The following ADAMTSL1 variants were observed in gnomAD, a reference collection of about 807,000 sequenced individuals.
The protein encoded by ADAMTSL1 is ADAMTS like 1, also known as ADAMTS-like protein 1.
A neutral mutation model predicts 201.8 loss-of-function variants in ADAMTSL1; 126 were observed. The ratio of observed to expected loss-of-function variants is 0.62; its 90% CI spans 0.54 to 0.72. The LOEUF (loss-of-function observed/expected upper bound fraction) is 0.72, where lower values mean the gene tolerates loss of function less well. Ranked by LOEUF, ADAMTSL1 falls within the 30% of genes least tolerant of loss-of-function variation. ADAMTSL1 has a pLI of 0.00. For synonymous variants in ADAMTSL1, 1,121 were observed against 903.4 expected, an observed-to-expected ratio of 1.24 and a Z score of -4.32; for missense variants, 2,679 against 2,277.8, an observed-to-expected ratio of 1.18 and a Z score of -3.59.
At chr9:17,939,343 A>AT (rs1238312672) in intron 1 of ADAMTSL1, among the ~76,000 whole-genome samples, 1 of 149,472 alleles carries the variant, frequency 6.7e-6, no homozygotes, top group African/African-American at 2.5e-5. Flanking sequence ...GTCCAGTTGG[A>AT]TTTTTTTGTT....
chr9:18,203,646 C>T (rs1205596752), intron 2 of ADAMTSL1, among the ~76,000 whole-genome samples: 7 of 151,848 alleles, frequency 4.6e-5, no homozygotes, highest in African/African-American at 7.3e-5. Context: ...ATTTGAGGCA[C>T]CTCACAAGTT....
At chr9:18,426,851 C>A (rs1470222462) in intron 2 of ADAMTSL1, among the ~76,000 whole-genome samples, 1 of 152,064 alleles carries the variant, frequency 6.6e-6, no homozygotes, top group Non-Finnish European at 1.5e-5. Flanking sequence ...ATACACTAAC[C>A]AAATGAAGAA....
chr9:18,626,844 T>C (rs1181703029), intron 5 of ADAMTSL1, among the ~76,000 whole-genome samples: 1 of 123,092 alleles, frequency 8.1e-6, no homozygotes, highest in Non-Finnish European at 1.7e-5. Flanking sequence ...TTTCTTTTTC[T>C]TTCTTTCTTT....
At chr9:18,231,265 C>G (rs894338117) in intron 2 of ADAMTSL1, among the ~76,000 whole-genome samples, 8 of 152,224 alleles carry the variant, frequency 5.3e-5, no homozygotes, top group Middle Eastern at 3.4e-3. Context: ...CTGCTCCTCC[C>G]TATCTCTCTA....
chr9:18,374,978 A>G (rs533770741), intron 2 of ADAMTSL1, among the ~76,000 whole-genome samples: 7 of 152,246 alleles, frequency 4.6e-5, no homozygotes, highest in Admixed American at 6.5e-5. Flanking sequence ...ATACCTGTCA[A>G]TTGTTTCCTA....
intron 1 of ADAMTSL1, among the ~76,000 whole-genome samples, chr9:18,042,459 G>C (rs1268682611): frequency 6.6e-6 from 1 of 152,038 alleles, no homozygotes; most frequent in Non-Finnish European, 1.5e-5. Flanking sequence ...AGATCTAGTT[G>C]TTTTCTAGAT....
intron 5 of ADAMTSL1, among the ~76,000 whole-genome samples, chr9:18,627,923 C>G (rs1394942483): frequency 6.6e-6 from 1 of 152,152 alleles, no homozygotes; most frequent in Non-Finnish European, 1.5e-5. Context: ...AAGTCTGTTG[C>G]TCATTTTTAA....
chr9:18,092,460 A>G (rs996999074), intron 1 of ADAMTSL1, among the ~76,000 whole-genome samples: 6 of 152,236 alleles, frequency 3.9e-5, no homozygotes, highest in Non-Finnish European at 8.8e-5. Context: ...TTTGTTCCAA[A>G]GTCAAACATG....
chr9:18,503,421 G>GTATATATATATATATATATA lies in ADAMTSL1; in HGVS notation c.64-1407_64-1388dup, dbSNP rs10673652. Among the ~76,000 whole-genome samples, 188 of 115,212 alleles carry GTATATATATATATATATATA rather than the reference G, an allele frequency of 1.6e-3. 6 individuals carry two copies. The highest frequency in any genetic ancestry group is 3.6e-3 in the African/African-American group (118 of 32,542). The allele number at this position is 115,212 out of a possible 152,430, so 75.6% of individuals were successfully genotyped here. A position where few individuals can be genotyped will look rare whatever the true frequency, so the allele number is the denominator to read the frequency against. ...TTAAGGCTGAATAGTATTCCATTGT[G>GTATATATATATATATATATA]TATATATATATATATATATACCACA... On this transcript the variant is annotated intron_variant, in intron 1 of 28. Transcript: ENST00000380548.
At chr9:18,506,019 A>C (rs1817623375) in intron 2 of ADAMTSL1, among the ~76,000 whole-genome samples, 1 of 152,210 alleles carries the variant, frequency 6.6e-6, no homozygotes, top group Non-Finnish European at 1.5e-5. Flanking sequence ...GGGAGGTCTC[A>C]CTGGAAATGT....
At chr9:17,961,165 A>C (rs116587338) in intron 1 of ADAMTSL1, among the ~76,000 whole-genome samples, 1 of 152,112 alleles carries the variant, frequency 6.6e-6, no homozygotes, top group East Asian at 1.9e-4. Flanking sequence ...AGTAATTACT[A>C]TGTGGATTTG....
At chr9:18,572,783 C>T (rs1157731359) in intron 3 of ADAMTSL1, among the ~76,000 whole-genome samples, 1 of 151,990 alleles carries the variant, frequency 6.6e-6, no homozygotes, top group South Asian at 2.1e-4. Flanking sequence ...AGAAAGAAAC[C>T]TTATATAAGA....
chr9:18,678,661 G>A (rs1830266288), intron 10 of ADAMTSL1, among the ~76,000 whole-genome samples: 1 of 152,110 alleles, frequency 6.6e-6, no homozygotes, highest in Non-Finnish European at 1.5e-5. Flanking sequence ...ATTAGAAAAT[G>A]TGCTCTTTTA....
chr9:18,205,502 G>A (rs189845705), intron 2 of ADAMTSL1, among the ~76,000 whole-genome samples: 2 of 152,068 alleles, frequency 1.3e-5, no homozygotes, highest in East Asian at 3.9e-4. Context: ...AAGTTTTAAT[G>A]TTTCTTATTA....
chr9:17,976,493 C>T (rs1259055145), intron 1 of ADAMTSL1, among the ~76,000 whole-genome samples: 1 of 151,634 alleles, frequency 6.6e-6, no homozygotes, highest in East Asian at 1.9e-4. Flanking sequence ...TACAATTGTA[C>T]ATGGGATTGT....
intron 1 of ADAMTSL1, among the ~76,000 whole-genome samples, chr9:17,917,834 A>C (rs777654553): frequency 6.6e-5 from 10 of 151,984 alleles, no homozygotes; most frequent in Non-Finnish European, 1.5e-4. Flanking sequence ...GTTTAATTAC[A>C]AACTTAATTT....
At chr9:18,495,795 G>A (rs773599358) in intron 1 of ADAMTSL1, among the ~76,000 whole-genome samples, 25 of 152,216 alleles carry the variant, frequency 1.6e-4, no homozygotes, top group Non-Finnish European at 3.2e-4. Context: ...TTGAGCTGGA[G>A]AACAGAAGAA....
intron 1 of ADAMTSL1, among the ~76,000 whole-genome samples, chr9:18,112,914 G>A (rs1825091351): frequency 6.6e-6 from 1 of 152,114 alleles, no homozygotes; most frequent in Admixed American, 6.6e-5. Context: ...TTAGAAAGAA[G>A]GCTACCATCA....
At chr9:18,233,331 TAAAAGACAA>T (rs1830715459) in intron 2 of ADAMTSL1, among the ~76,000 whole-genome samples, 1 of 152,236 alleles carries the variant, frequency 6.6e-6, no homozygotes, top group East Asian at 1.9e-4. Context: ...ACTTCATCAG[TAAAAGACAA>T]TAACCATTAA....
Sources: gnomAD v4.1 joint callset for allele counts (sites outside exome capture counted in the v4.1 genomes callset) on GRCh38, gnomAD v4.1.1 for gene constraint, MANE v1.5 for transcripts, NCBI Gene and HGNC (gene_info 2026-07-23, HGNC 2026-07-21) for gene names.